The following IGSF8 variants were observed in gnomAD, a reference collection of about 807,000 sequenced individuals.
IGSF8 encodes the protein immunoglobulin superfamily member 8, also known as CD81 partner 3.
IGSF8 carries 46 observed loss-of-function variants against 55.5 expected under a neutral mutation model. That is an observed-to-expected ratio of 0.83 (90% CI 0.65 to 1.06). The LOEUF is 1.06. Ranked by LOEUF, IGSF8 falls within the 50% of genes least tolerant of loss-of-function variation. IGSF8 has a pLI of 0.00. For missense variants in IGSF8, 731 were observed against 832.3 expected (o/e 0.88, Z 1.50); for synonymous variants, 314 against 356.1 (o/e 0.88, Z 1.33).
Position 160,092,012 on chromosome 1 carries a change from C to T in IGSF8, c.1727-74G>A, listed in dbSNP as rs977111411. 6 of 1,090,472 alleles carry T rather than the reference C, an allele frequency of 5.5e-6. No individual in the cohort carries two copies. In the Admixed American group the frequency reaches 1.1e-4, roughly 20 times the overall value. 67.5% of individuals were successfully genotyped at this position (1,090,472 alleles called of 1,614,324 possible). A position where few individuals can be genotyped will look rare whatever the true frequency, so the allele number is the denominator to read the frequency against. On this transcript the variant is annotated intron_variant, in intron 5 of 6. Coordinates refer to ENST00000314485, the MANE Select transcript of IGSF8 (RefSeq NM_052868.6). ...CCATACACTTGCCTCTGCGCTTTCC[C>T]CATCAAGTTCTCTGAACCCACCTTC...
chr1:160,095,330 T>C (rs1159112558), intron 1 of IGSF8, 84 bp from the exon 2 acceptor site: 5 of 1,367,164 alleles, frequency 3.7e-6, no homozygotes, highest in Non-Finnish European at 4.9e-6. Flanking sequence ...TCTTGATCTC[T>C]GCCTACAAAA....
At chr1:160,092,730 G>A (rs1650073975) in intron 4 of IGSF8, 35 bp from the exon 5 acceptor site, 1 of 1,592,624 alleles carries the variant, frequency 6.3e-7, no homozygotes, top group Non-Finnish European at 8.5e-7. Flanking sequence ...AGAGGGTGCA[G>A]GGCCAGGGAG....
rs772436480 is a variant in IGSF8, at chr1:160,098,520, G to T, written c.-48C>A. 2.0e-5 allele frequency: 29 copies of T among 1,446,262 alleles called. No individual in the cohort carries two copies. The highest frequency in any genetic ancestry group is 2.7e-5 in the Non-Finnish European group (29 of 1,078,294). The allele number at this position is 1,446,262 out of a possible 1,614,324, so 89.6% of individuals were successfully genotyped here. A position where few individuals can be genotyped will look rare whatever the true frequency, so the allele number is the denominator to read the frequency against. ...GGCTCCGGGGGATGGCGCGGGTTCT[G>T]GGGGGCCGGAAGGGTGGGGGGCGCA... On this transcript the variant is annotated 5_prime_UTR_variant, in exon 1 of 7. Transcript: ENST00000314485.
Position 160,095,145 on chromosome 1 carries a change from C to G in IGSF8, c.166G>C (p.Gly56Arg), listed in dbSNP as rs756343819. ...SISCNVTGYE[G>R]PAQQNFEWFL... ...CACTCGAAGTTCTGCTGGGCAGGGC[C>G]CTCATAGCCGGTCACATTGCAGGAG... Residue 56 changes from glycine to arginine, a missense_variant, in exon 2 of 7, where the codon GGC becomes CGC. Coordinates refer to ENST00000314485, the MANE Select transcript of IGSF8 (RefSeq NM_052868.6). 5 of 1,613,762 alleles carry G rather than the reference C, an allele frequency of 3.1e-6. No individual in the cohort carries two copies. Among genetic ancestry groups the G allele is most frequent in the Non-Finnish European group, 4.2e-6 (5 of 1,180,042 alleles).
At chr1:160,091,712 C>G in intron 6 of IGSF8, 96 bp downstream of exon 6, 5 of 789,164 alleles carry the variant, frequency 6.3e-6, no homozygotes, top group Non-Finnish European at 1.1e-5. Context: ...GCTGCCTACT[C>G]CTCCTCCAGG....
At chr1:160,093,638 C>A in intron 3 of IGSF8, 72 bp downstream of exon 3, 3 of 1,246,534 alleles carry the variant, frequency 2.4e-6, no homozygotes, top group Non-Finnish European at 3.4e-6. Context: ...TCTGGTACCC[C>A]CTGTGGCCAC....
At position 160,092,343 on chromosome 1, in the gene IGSF8, G is replaced by A; in HGVS notation, c.1665C>T (p.Tyr555=). Residue 555 remains tyrosine (Y), a synonymous_variant, in exon 5 of 7, where the codon TAC becomes TAT. Transcript: ENST00000314485. ...GGGCACTGCCCGCCTGGTACCAGCT[G>A]TAGTCGGCATGCTGCACCCAGGCGC... ...APSAWVQHAD[Y]SWYQAGSARS... 6.2e-7 allele frequency: 1 copy of A among 1,614,022 alleles called. No individual in the cohort carries two copies. Among genetic ancestry groups the A allele is most frequent in the Non-Finnish European group, 8.5e-7 (1 of 1,179,888 alleles).
In IGSF8 at chr1:160,094,965, G is replaced by C; in HGVS notation, c.346C>G (p.Arg116Gly). 1 of 1,614,084 alleles carries C rather than the reference G, an allele frequency of 6.2e-7. No homozygotes were observed. Among genetic ancestry groups the C allele is most frequent in the Non-Finnish European group, 8.5e-7 (1 of 1,180,030 alleles). ...ATGCCGGCATCCTGGGCCTGCAGGCGGGCAATCTTGAGCACCACGGCATCA... is the reference window on the plus strand; with the variant it reads ...ATGCCGGCATCCTGGGCCTGCAGGCCGGCAATCTTGAGCACCACGGCATCA... ...QGDAVVLKIA[R>G]LQAQDAGIYE... Residue 116 changes from arginine (R) to glycine (G), a missense_variant, in exon 2 of 7, where the codon CGC becomes GGC. Physicochemically the swap from Arg to Gly is moderately radical, Grantham distance 125. Coordinates refer to ENST00000314485, the MANE Select transcript of IGSF8 (RefSeq NM_052868.6). The surrounding 1 kb of genome is among the most constrained non-coding windows in gnomAD (Gnocchi z 4.0).
In IGSF8 at chr1:160,092,367, G is replaced by A. The variant is rs187272503; in HGVS notation, c.1641C>T (p.Ser547=). ...EDEGVYHCAP[S]AWVQHADYSW... ...TGTAGTCGGCATGCTGCACCCAGGC[G>A]CTGGGGGCACAGTGGTACACGCCTT... Residue 547 remains serine, a synonymous_variant, in exon 5 of 7, where the codon AGC becomes AGT. Coordinates refer to ENST00000314485, the MANE Select transcript of IGSF8 (RefSeq NM_052868.6). 34 of 1,613,802 alleles carry A rather than the reference G, an allele frequency of 2.1e-5. No homozygotes were observed. The highest frequency in any genetic ancestry group is 8.9e-5 in the East Asian group (4 of 44,866).
In IGSF8 at chr1:160,094,115, C is replaced by T. The variant is rs1650244132; in HGVS notation, c.499G>A (p.Ala167Thr). 6.2e-7 allele frequency: 1 copy of T among 1,609,554 alleles called. No individual in the cohort carries two copies. Among genetic ancestry groups the T allele is most frequent in the Non-Finnish European group, 8.5e-7 (1 of 1,179,936 alleles). The change falls in exon 3 of 7, where the codon GCC becomes ACC. Residue 167 changes from alanine to threonine, a missense_variant. Physicochemically the swap from Ala to Thr is moderately conservative, Grantham distance 58 (BLOSUM62 0). Coordinates refer to ENST00000314485, the MANE Select transcript of IGSF8 (RefSeq NM_052868.6). This position sits in a 1 kb window ranked among gnomAD's most constrained non-coding sequence, Gnocchi z 4.0. ...AAPPGPRGRQ[A>T]PTSPPRMTVH... The stretch of plus-strand genomic sequence containing the variant: ...GTCATGCGTGGGGGTGAGGTTGGGG[C>T]CTGGCGGCCTCGGGGCCCTGGGGGG...
intron 1 of IGSF8, 82 bp from the exon 2 acceptor site, chr1:160,095,328 T>A: frequency 7.2e-7 from 1 of 1,384,442 alleles, no homozygotes; most frequent in Non-Finnish European, 9.7e-7. Context: ...ATTCTTGATC[T>A]CTGCCTACAA....
chr1:160,094,405 T>G lies in IGSF8; in HGVS notation c.443-234A>C, dbSNP rs777572418. ...CCAGCCCATCGCCTACTCACCCTTA[T>G]GTTTGAGACTGACCTCTGTTTGAAA... On this transcript the variant is annotated intron_variant, in intron 2 of 6. Transcript: ENST00000314485. The surrounding 1 kb of genome is among the most constrained non-coding windows in gnomAD (Gnocchi z 4.0). 2.5e-4 allele frequency among the ~76,000 whole-genome samples: 38 copies of G among 152,216 alleles called. No individual in the cohort carries two copies. The highest frequency in any genetic ancestry group is 4.9e-4 in the Non-Finnish European group (33 of 68,034).
intron 1 of IGSF8, 32 bp from the exon 2 acceptor site, chr1:160,095,278 C>A: frequency 1.3e-6 from 2 of 1,572,908 alleles, no homozygotes; most frequent in African/African-American, 1.3e-5. Context: ...GTTGGAGATG[C>A]CTGGTTCCTC....
At chr1:160,098,767 A>AC (rs1442369860), upstream of IGSF8, 21 of 197,934 alleles carry the variant, frequency 1.1e-4, no homozygotes, top group Non-Finnish European at 1.5e-4. Context: ...TGCCTGCCCC[A>AC]CCCCCGCCAG....
Position 160,092,924 on chromosome 1 carries a change from C to A in IGSF8, c.1312G>T (p.Gly438Cys). ...CGTCCAGGGCCCAGCCCCCTCTCAC[C>A]TTCCTCCCGCACATGTACAGGGAGA... The part of the protein sequence containing the change: ...RPLPVHVREE[G>C]VVLEAVAWLA... Residue 438 changes from glycine to cysteine, a missense_variant and splice_region_variant, in exon 4 of 7, where the codon GGT becomes TGT. Transcript: ENST00000314485. The A allele has an allele frequency of 6.3e-7, 1 of 1,591,038 alleles. No homozygotes were observed. Among genetic ancestry groups the A allele is most frequent in the Non-Finnish European group, 8.6e-7 (1 of 1,162,112 alleles).
chr1:160,096,873 G>A (rs1650470456), intron 1 of IGSF8, among the ~76,000 whole-genome samples: 2 of 152,170 alleles, frequency 1.3e-5, no homozygotes, highest in Admixed American at 1.3e-4. Context: ...CAGCCAAGCT[G>A]ACACCTTCCC....
At chr1:160,097,842 G>C (rs530952412) in intron 1 of IGSF8, 3 of 985,500 alleles carry the variant, frequency 3.0e-6, no homozygotes, top group Non-Finnish European at 3.6e-6. Context: ...TGCCATTTGG[G>C]AGACAGGAAG....
intron 3 of IGSF8, 61 bp downstream of exon 3, chr1:160,093,649 A>T: frequency 7.3e-7 from 1 of 1,367,946 alleles, no homozygotes; most frequent in Non-Finnish European, 1.0e-6. Context: ...CTGTGGCCAC[A>T]GTGCCCACCA....
In IGSF8 at chr1:160,094,137, G is replaced by T. The variant is rs781527270; in HGVS notation, c.477C>A (p.Pro159=). ...LPDVLQVSAA[P]PGPRGRQAPT... ...GGGCCTGGCGGCCTCGGGGCCCTGG[G>T]GGGGCAGCAGACACCTGGAGGACAT... The change falls in exon 3 of 7, where the codon CCC becomes CCA. Residue 159 remains proline, a synonymous_variant. Transcript: ENST00000314485. The surrounding 1 kb of genome is among the most constrained non-coding windows in gnomAD (Gnocchi z 4.0). The T allele has an allele frequency of 2.5e-5, 40 of 1,604,294 alleles. No individual in the cohort carries two copies. Among genetic ancestry groups the T allele is most frequent in the East Asian group, 8.9e-5 (4 of 44,866 alleles).
Sources: allele counts gnomAD v4.1 joint callset (sites outside exome capture counted in the v4.1 genomes callset), GRCh38; gene constraint gnomAD v4.1.1; non-coding constraint Gnocchi (gnomAD v3.1); transcripts MANE v1.5; gene names NCBI Gene and HGNC (gene_info 2026-07-23, HGNC 2026-07-21).